The following PCDHGB3 variants were observed in gnomAD, a reference collection of about 807,000 sequenced individuals.
PCDHGB3 encodes the protein protocadherin gamma subfamily B, 3.
A neutral mutation model predicts 59.2 loss-of-function variants in PCDHGB3; 40 were observed. The observed-to-expected ratio is 0.68, with a 90% CI of 0.52 to 0.88. The LOEUF is 0.88. Ranked by LOEUF, PCDHGB3 falls within the 40% of genes least tolerant of loss-of-function variation. The pLI, the probability that PCDHGB3 is intolerant of heterozygous loss-of-function variation, is 0.00. For synonymous variants in PCDHGB3, 581 were observed against 503.6 expected (o/e 1.15, Z -2.06); for missense variants, 1,309 against 1,187.9 (o/e 1.10, Z -1.50).
intron 1 of PCDHGB3, chr5:141,388,092 T>C: frequency 8.7e-6 from 12 of 1,373,060 alleles, no homozygotes; most frequent in Non-Finnish European, 1.2e-5. Flanking sequence ...GCGCGTCAGT[T>C]CGGAGAAGCC....
Position 141,465,218 on chromosome 5 carries a change from A to G in PCDHGB3, c.2416-29589A>G, listed in dbSNP as rs151158068. ...ATAAAAATATAAGCTTTATTTTTCA[A>G]CATGAGCTCCATCAAGTTCAAGGCA... On this transcript the variant is annotated intron_variant, in intron 1 of 3. Coordinates refer to ENST00000576222, the MANE Select transcript of PCDHGB3 (RefSeq NM_018924.5). Among the ~76,000 whole-genome samples, 591 of 152,288 alleles carry G rather than the reference A, an allele frequency of 3.9e-3. 6 individuals carry two copies. The highest frequency in any genetic ancestry group is 0.011 in the Admixed American group (171 of 15,290).
chr5:141,404,759 T>C, intron 1 of PCDHGB3: 2 of 1,613,632 alleles, frequency 1.2e-6, no homozygotes, highest in Non-Finnish European at 1.7e-6. Flanking sequence ...CCAGAATGCT[T>C]GGCTCTCCTA....
rs368232567 is a variant in PCDHGB3, at chr5:141,371,262, C to T, written c.868C>T (p.Gln290Ter). 3 of 1,613,880 alleles carry T rather than the reference C, an allele frequency of 1.9e-6. No individual in the cohort carries two copies. The highest frequency in any genetic ancestry group is 2.5e-6 in the Non-Finnish European group (3 of 1,179,886). Residue 290 changes from glutamine (Q) to a stop codon, truncating the protein, a stop_gained, in exon 1 of 4, where the codon CAA becomes TAA. Coordinates refer to ENST00000576222, the MANE Select transcript of PCDHGB3 (RefSeq NM_018924.5). LOFTEE classifies it high-confidence loss of function. Reference protein sequence around the residue: ...AFINIGKEVRQLFKLDSKTGE... With the variant: ...AFINIGKEVR ...CATCAATATTGGCAAGGAAGTGAGA[C>T]AACTGTTCAAGCTGGACAGTAAAAC...
chr5:141,409,825 G>T (rs748261010), intron 1 of PCDHGB3: 8 of 1,610,680 alleles, frequency 5.0e-6, no homozygotes, highest in Admixed American at 3.4e-5. Context: ...GCTCGCCCAC[G>T]CTCAGCGCCA....
At chr5:141,461,225 T>C (rs1157429654) in intron 1 of PCDHGB3, among the ~76,000 whole-genome samples, 3 of 152,162 alleles carry the variant, frequency 2.0e-5, no homozygotes, top group African/African-American at 7.2e-5. Flanking sequence ...CTGTTTTCCA[T>C]AGAGGTTGTA....
chr5:141,420,920 A>G, intron 1 of PCDHGB3: 1 of 338,894 alleles, frequency 3.0e-6, no homozygotes, highest in Middle Eastern at 8.3e-4. Flanking sequence ...GTGATTCACA[A>G]AGGTGAGCGT....
chr5:141,409,217 G>T (rs1394491727), intron 1 of PCDHGB3: 3 of 1,613,852 alleles, frequency 1.9e-6, no homozygotes, highest in Non-Finnish European at 2.5e-6. Flanking sequence ...AGAAATCCTT[G>T]ATGAAAACGA....
At chr5:141,469,948 T>C (rs1258593339) in intron 1 of PCDHGB3, among the ~76,000 whole-genome samples, 2 of 152,110 alleles carry the variant, frequency 1.3e-5, no homozygotes, top group Admixed American at 1.3e-4. Flanking sequence ...CTGGCCAGCA[T>C]GGTGAAACCC....
intron 1 of PCDHGB3, chr5:141,399,023 C>T: frequency 6.2e-7 from 1 of 1,613,914 alleles, no homozygotes; most frequent in African/African-American, 1.3e-5. Flanking sequence ...GAAATTACCA[C>T]TCAAAAGAAA....
Position 141,489,585 on chromosome 5 carries a change from G to C in PCDHGB3, c.2416-5222G>C. The C allele has an allele frequency of 6.2e-7, 1 of 1,614,090 alleles. No individual in the cohort carries two copies. On this transcript the variant is annotated intron_variant, in intron 1 of 3. Transcript: ENST00000576222. This position sits in a 1 kb window ranked among gnomAD's most constrained non-coding sequence, Gnocchi z 4.5. ...AGGTGGTGACTGAACACCCCCTGGA[G>C]CTAATCCGTGTAGAGGTAGAGATCC...
At chr5:141,388,261 T>G (rs1439243738) in intron 1 of PCDHGB3, 1 of 1,611,348 alleles carries the variant, frequency 6.2e-7, no homozygotes, top group East Asian at 2.2e-5. Context: ...ATCGAGGACA[T>G]TAATGACCAC....
chr5:141,372,474 G>C lies in PCDHGB3; in HGVS notation c.2080G>C (p.Val694Leu). ...GGCGGAGCTACAGTTTCACCTAGTA[G>C]TGGCGTTGGCCTTGATCTCAGTGCT... ...PQAELQFHLV[V>L]ALALISVLFL... Residue 694 changes from valine to leucine, a missense_variant, in exon 1 of 4, where the codon GTG becomes CTG. Transcript: ENST00000576222. 6.2e-7 allele frequency: 1 copy of C among 1,614,052 alleles called. No individual in the cohort carries two copies. The highest frequency in any genetic ancestry group is 8.5e-7 in the Non-Finnish European group (1 of 1,179,900).
chr5:141,447,533 G>T (rs2098541881), intron 1 of PCDHGB3, among the ~76,000 whole-genome samples: 1 of 152,120 alleles, frequency 6.6e-6, no homozygotes, highest in South Asian at 2.1e-4. Flanking sequence ...CAAAATTGTT[G>T]GGTTTTAATG....
Position 141,485,943 on chromosome 5 carries a change from C to T in PCDHGB3, c.2416-8864C>T, listed in dbSNP as rs750871245. On this transcript the variant is annotated intron_variant, in intron 1 of 3. Transcript: ENST00000576222. This position sits in a 1 kb window ranked among gnomAD's most constrained non-coding sequence, Gnocchi z 5.7. Reference sequence around the variant, plus strand: ...ATTAGTGTGTTGGAGAGCGCACCAGCGGGCATGGTGCTCATCCAGCTCAAT... The same window carrying T: ...ATTAGTGTGTTGGAGAGCGCACCAGTGGGCATGGTGCTCATCCAGCTCAAT... The T allele has an allele frequency of 1.9e-6, 3 of 1,614,126 alleles. No homozygotes were observed. In the South Asian group the frequency reaches 3.3e-5, roughly 18 times the overall value.
intron 1 of PCDHGB3, chr5:141,418,363 C>T (rs147423305): frequency 4.4e-4 from 703 of 1,613,984 alleles, no homozygotes; most frequent in Non-Finnish European, 5.5e-4. Flanking sequence ...ATTCGCTGAG[C>T]AAATACCAAC....
Position 141,494,855 on chromosome 5 carries a change from G to A in PCDHGB3, c.2464G>A (p.Gly822Ser), listed in dbSNP as rs200418116. The A allele has an allele frequency of 4.8e-4, 774 of 1,614,092 alleles. 7 individuals carry two copies. The South Asian group carries it at 5.1e-3, about 11-fold the overall frequency. ...GCGTTTCTCTCAGGCCCAGAGACCC[G>A]GCACCAGCGGGTAGGTGACTGATTC... is the stretch of plus-strand genomic sequence containing the variant. ...DWRFSQAQRP[G>S]TSGSQNGDDT... Residue 822 changes from glycine (G) to serine (S), a missense_variant, in exon 2 of 4, where the codon GGC becomes AGC. Coordinates refer to ENST00000576222, the MANE Select transcript of PCDHGB3 (RefSeq NM_018924.5).
At chr5:141,478,723 A>C in intron 1 of PCDHGB3, 16 of 1,543,220 alleles carry the variant, frequency 1.0e-5, no homozygotes, top group Non-Finnish European at 1.3e-5. Flanking sequence ...GTGGCCTGCC[A>C]GAGTGTGGTT....
intron 1 of PCDHGB3, chr5:141,375,011 G>A (rs1035429416): frequency 1.2e-6 from 2 of 1,614,028 alleles, no homozygotes; most frequent in African/African-American, 1.3e-5. Context: ...TCTAGACTAT[G>A]AGGACTCGAG....
chr5:141,393,306 A>G (rs2092724552), intron 1 of PCDHGB3: 2 of 1,613,734 alleles, frequency 1.2e-6, no homozygotes, highest in African/African-American at 2.7e-5. Flanking sequence ...TGTGGGCGTG[A>G]ACTCCCTCCA....
Sources: allele counts gnomAD v4.1 joint callset (sites outside exome capture counted in the v4.1 genomes callset), GRCh38; gene constraint gnomAD v4.1.1; non-coding constraint Gnocchi (gnomAD v3.1); transcripts MANE v1.5; gene names NCBI Gene and HGNC (gene_info 2026-07-23, HGNC 2026-07-21).